The following DMD variants were observed in gnomAD, a reference collection of about 807,000 sequenced individuals.
The protein encoded by DMD is mutant dystrophin.
DMD carries 63 observed loss-of-function variants against 330.1 expected under a neutral mutation model. The ratio of observed to expected loss-of-function variants is 0.19; its 90% CI spans 0.16 to 0.24. The LOEUF (loss-of-function observed/expected upper bound fraction) is 0.24. Among genes scored for constraint, DMD ranks in the 10% least tolerant of loss-of-function variants. DMD has a pLI of 1.00. For missense variants in DMD, 3,344 were observed against 2,684.1 expected (o/e 1.25, Z -5.43); for synonymous variants, 1,223 against 959.8 (o/e 1.27, Z -5.07).
At chrX:31,946,243 G>A (rs2095085264) in intron 45 of DMD, among the ~76,000 whole-genome samples, 2 of 111,330 alleles carry the variant, frequency 1.8e-5, no homozygotes, top group African/African-American at 6.5e-5. Context: ...AATATCAGCC[G>A]GAATACAGAT....
chrX:31,432,667 G>A (rs1304720258), intron 60 of DMD, among the ~76,000 whole-genome samples: 1 of 111,620 alleles, frequency 9.0e-6, no homozygotes, highest in Non-Finnish European at 1.9e-5. Flanking sequence ...GAGACATAGA[G>A]AGCAAATTTT....
intron 2 of DMD, among the ~76,000 whole-genome samples, chrX:32,977,843 G>T (rs187266328): frequency 2.7e-5 from 3 of 111,099 alleles, no homozygotes; most frequent in Non-Finnish European, 5.7e-5. Context: ...TAAACATAAC[G>T]ATGGGCAAAT....
intron 1 of DMD, among the ~76,000 whole-genome samples, chrX:33,037,905 A>T (rs1187670191): frequency 8.9e-6 from 1 of 112,094 alleles, no homozygotes; most frequent in Non-Finnish European, 1.9e-5. Flanking sequence ...AACATCATCA[A>T]TAAAATCAAT....
At chrX:31,173,956 T>C (rs1173980827) in intron 71 of DMD, among the ~76,000 whole-genome samples, 1 of 111,328 alleles carries the variant, frequency 9.0e-6, no homozygotes, top group Non-Finnish European at 1.9e-5. Context: ...GTTAGCCCTA[T>C]GTGGTTTAAA....
intron 18 of DMD, among the ~76,000 whole-genome samples, chrX:32,509,221 A>G (rs1024060539): frequency 7.3e-5 from 8 of 109,888 alleles, no homozygotes; most frequent in Non-Finnish European, 1.3e-4. Context: ...TTAAGTAAAT[A>G]AACATCACTG....
At position 31,121,491 on chromosome X, in the gene DMD, C is replaced by CT. The variant is rs963608336; in HGVS notation, c.*427dup. On this transcript the variant is annotated 3_prime_UTR_variant, in exon 79 of 79. Transcript: ENST00000357033. Reference sequence around the variant, plus strand: ...TGTTTTTAGGGGTTTTTATAAACAACTTTTTTTTATAAAGCACACTTTAGT... The same window carrying CT: ...TGTTTTTAGGGGTTTTTATAAACAACTTTTTTTTTATAAAGCACACTTTAGT... The CT allele has an allele frequency of 7.7e-5, 13 of 169,285 alleles. No individual in the cohort carries two copies. Among genetic ancestry groups the CT allele is most frequent in the African/African-American group, 1.6e-4 (5 of 31,787 alleles). 14.0% of individuals were successfully genotyped at this position (169,285 alleles called of 1,213,427 possible).
intron 51 of DMD, among the ~76,000 whole-genome samples, chrX:31,750,041 T>C (rs1270215487): frequency 1.8e-5 from 2 of 110,866 alleles, no homozygotes; most frequent in East Asian, 5.7e-4. Flanking sequence ...ATTCTGGATA[T>C]TAGCTCTTTG....
chrX:33,337,709 C>T (rs1446285402), intron 1 of DMD, among the ~76,000 whole-genome samples: 1 of 111,891 alleles, frequency 8.9e-6, no homozygotes, highest in Admixed American at 9.5e-5. Flanking sequence ...TGGAGAAATC[C>T]TAGTGTAATT....
chrX:31,446,467 T>C (rs1487088001), intron 59 of DMD, among the ~76,000 whole-genome samples: 1 of 99,280 alleles, frequency 1.0e-5, no homozygotes, highest in South Asian at 4.3e-4. Context: ...CTTCTGACCA[T>C]ACACATGCAA....
At chrX:32,569,947 ACT>A (rs2052210412) in intron 15 of DMD, among the ~76,000 whole-genome samples, 1 of 111,506 alleles carries the variant, frequency 9.0e-6, no homozygotes. Flanking sequence ...CATAAAAGCT[ACT>A]GTTTCTTCTT....
At chrX:31,579,163 T>C (rs897445500) in intron 55 of DMD, among the ~76,000 whole-genome samples, 3 of 112,262 alleles carry the variant, frequency 2.7e-5, no homozygotes, top group Non-Finnish European at 3.8e-5. Flanking sequence ...AGACTGACTG[T>C]ATAGCTTAGC....
intron 44 of DMD, among the ~76,000 whole-genome samples, chrX:32,062,360 G>A (rs1055191613): frequency 1.8e-5 from 2 of 110,950 alleles, no homozygotes; most frequent in African/African-American, 6.5e-5. Flanking sequence ...CTAGAAATAT[G>A]TTCTTGAATA....
chrX:32,467,416 C>A (rs2040143285), intron 23 of DMD, among the ~76,000 whole-genome samples: 1 of 110,340 alleles, frequency 9.1e-6, no homozygotes, highest in Non-Finnish European at 1.9e-5. Context: ...TATGGTGGCA[C>A]TATTCAAACA....
chrX:32,960,920 A>AG (rs1382022844), intron 2 of DMD, among the ~76,000 whole-genome samples: 11 of 94,294 alleles, frequency 1.2e-4, no homozygotes, highest in Non-Finnish European at 1.4e-4. Flanking sequence ...CATTTGTAAA[A>AG]AAAAAAAAAA....
intron 60 of DMD, among the ~76,000 whole-genome samples, chrX:31,351,619 G>A (rs1288278334): frequency 2.8e-5 from 3 of 106,077 alleles, no homozygotes; most frequent in African/African-American, 7.0e-5. Context: ...CCAGCTACTC[G>A]GGAAGCTGAG....
intron 4 of DMD, among the ~76,000 whole-genome samples, chrX:32,837,135 T>C (rs1209621566): frequency 2.7e-5 from 3 of 111,978 alleles, no homozygotes; most frequent in African/African-American, 6.5e-5. Context: ...ATCAGAGTTC[T>C]CGGCATGCAG....
chrX:31,301,224 T>C (rs1368369160), intron 62 of DMD, among the ~76,000 whole-genome samples: 1 of 111,647 alleles, frequency 9.0e-6, no homozygotes, highest in Admixed American at 9.5e-5. Flanking sequence ...ACACCCTCTG[T>C]GTTGCTGATT....
chrX:31,701,534 T>A (rs970798188), intron 52 of DMD, among the ~76,000 whole-genome samples: 3 of 112,077 alleles, frequency 2.7e-5, no homozygotes, highest in Non-Finnish European at 5.6e-5. Context: ...GTCTCTTCCA[T>A]CTTCTATGAG....
At chrX:33,002,921 C>G (rs778263027) in intron 2 of DMD, among the ~76,000 whole-genome samples, 1 of 106,421 alleles carries the variant, frequency 9.4e-6, no homozygotes, top group South Asian at 4.3e-4. Context: ...CCTCAGGGAC[C>G]TCTGCACCAG....
Sources: gnomAD v4.1 joint callset for allele counts (sites outside exome capture counted in the v4.1 genomes callset) on GRCh38, gnomAD v4.1.1 for gene constraint, MANE v1.5 for transcripts, NCBI Gene and HGNC (gene_info 2026-07-23, HGNC 2026-07-21) for gene names.